DVL2: variants seen among roughly 807,000 people sequenced by gnomAD.
The protein encoded by DVL2 is segment polarity protein dishevelled homolog DVL-2.
In DVL2, 38 loss-of-function variants were observed where a neutral mutation model predicts 69.8. The ratio of observed to expected loss-of-function variants is 0.54; its 90% CI spans 0.42 to 0.71. The LOEUF (loss-of-function observed/expected upper bound fraction) is 0.71. Ranked by LOEUF, DVL2 falls within the 30% of genes least tolerant of loss-of-function variation. DVL2 has a pLI of 0.00. For synonymous variants in DVL2, 428 were observed against 392.4 expected, an observed-to-expected ratio of 1.09 and a Z score of -1.07; for missense variants, 931 against 1,008.1, an observed-to-expected ratio of 0.92 and a Z score of 1.04.
intron 1 of DVL2, among the ~76,000 whole-genome samples, chr17:7,231,823 G>A (rs1182237509): frequency 2.1e-5 from 3 of 145,228 alleles, no homozygotes; most frequent in East Asian, 2.0e-4. Flanking sequence ...AGATTGCGCC[G>A]CTGCACTCCA....
At position 7,229,368 on chromosome 17, in the gene DVL2, C is replaced by T; in HGVS notation, c.817+10G>A. On this transcript the variant is annotated intron_variant, in intron 7 of 14. Coordinates refer to ENST00000005340, the MANE Select transcript of DVL2 (RefSeq NM_004422.3). This position sits in a 1 kb window ranked among gnomAD's most constrained non-coding sequence, Gnocchi z 4.4. ...CCTCCCCACGCCCTAGCCACAGGCT[C>T]TCCCCATACCCATGTTTAGCGTGAC... The T allele has an allele frequency of 6.2e-7, 1 of 1,613,946 alleles. No homozygotes were observed. Among genetic ancestry groups the T allele is most frequent in the Non-Finnish European group, 8.5e-7 (1 of 1,180,004 alleles).
chr17:7,233,769 G>T (rs747445531), intron 1 of DVL2, among the ~76,000 whole-genome samples: 4 of 152,152 alleles, frequency 2.6e-5, no homozygotes, highest in Admixed American at 2.6e-4. Flanking sequence ...CCAGACAATG[G>T]ATCAATTTAC....
At position 7,226,046 on chromosome 17, in the gene DVL2, T is replaced by C. The variant is rs759271815; in HGVS notation, c.2030A>G (p.Tyr677Cys). 35 of 1,609,064 alleles carry C rather than the reference T, an allele frequency of 2.2e-5. No individual in the cohort carries two copies. Among genetic ancestry groups the C allele is most frequent in the Non-Finnish European group, 2.8e-5 (33 of 1,177,310 alleles). The change falls in exon 15 of 15, where the codon TAC (tyrosine) becomes TGC (cysteine). Residue 677 changes from tyrosine to cysteine, a missense_variant. This residue lies in a region of DVL2 where 314 missense variants were observed against 313.7 expected (regional missense o/e 1.00). Coordinates refer to ENST00000005340, the MANE Select transcript of DVL2 (RefSeq NM_004422.3). ...YGPPPGMALP[Y>C]NPMMVVMMPP... ...CATCATGACCACCATCATGGGGTTGTAGGGGAGGGCCATGCCAGGGGGCGG... is the reference window on the plus strand; with the variant it reads ...CATCATGACCACCATCATGGGGTTGCAGGGGAGGGCCATGCCAGGGGGCGG...
Position 7,234,322 on chromosome 17 carries a change from G to A in DVL2, c.-60C>T. On this transcript the variant is annotated 5_prime_UTR_variant, in exon 1 of 15. Transcript: ENST00000005340. ...ACCCAAAGGGCTAATGGCCCCTGCCGCGCCTGCGCACACCCGCAAACCGAC... is the reference window on the plus strand; with the variant it reads ...ACCCAAAGGGCTAATGGCCCCTGCCACGCCTGCGCACACCCGCAAACCGAC... The A allele has an allele frequency of 2.6e-6, 4 of 1,549,488 alleles. No homozygotes were observed. Among genetic ancestry groups the A allele is most frequent in the Non-Finnish European group, 3.5e-6 (4 of 1,145,434 alleles).
chr17:7,234,490 C>G lies in DVL2; in HGVS notation c.-228G>C. On this transcript the variant is annotated 5_prime_UTR_variant, in exon 1 of 15. Transcript: ENST00000005340. ...AGCGGCCGCCGCGCGCCACCGCCAC[C>G]GACGCCGCGAGCTTCCTCCAGGTAC... 1 of 541,716 alleles carries G rather than the reference C, an allele frequency of 1.8e-6. No individual in the cohort carries two copies. The highest frequency in any genetic ancestry group is 3.4e-5 in the East Asian group (1 of 29,326). 33.6% of individuals were successfully genotyped at this position (541,716 alleles called of 1,614,324 possible). A position where few individuals can be genotyped will look rare whatever the true frequency, so the allele number is the denominator to read the frequency against.
At chr17:7,232,814 G>T (rs2071562241) in intron 1 of DVL2, among the ~76,000 whole-genome samples, 1 of 152,134 alleles carries the variant, frequency 6.6e-6, no homozygotes, top group African/African-American at 2.4e-5. Context: ...GTTGGGCCGG[G>T]CGCGGTGGCT....
chr17:7,225,462 A>T lies in DVL2; in HGVS notation c.*403T>A. On this transcript the variant is annotated 3_prime_UTR_variant, in exon 15 of 15. Coordinates refer to ENST00000005340, the MANE Select transcript of DVL2 (RefSeq NM_004422.3). ...CTCAGGCTGCTGTCTAGGATGCCTA[A>T]CCCCGGGGTACCGCTGACCACCCCC... 1 of 423,894 alleles carries T rather than the reference A, an allele frequency of 2.4e-6. No homozygotes were observed. The highest frequency in any genetic ancestry group is 2.0e-5 in the African/African-American group (1 of 49,804). 26.3% of individuals were successfully genotyped at this position (423,894 alleles called of 1,614,324 possible).
chr17:7,233,798 C>T (rs2071586251), intron 1 of DVL2: 3 of 540,712 alleles, frequency 5.5e-6, no homozygotes, highest in Non-Finnish European at 1.0e-5. Context: ...GACTAGAATA[C>T]TCCAACATAA....
chr17:7,226,737 C>A, intron 13 of DVL2, 98 bp from the exon 14 acceptor site: 3 of 957,356 alleles, frequency 3.1e-6, no homozygotes, highest in South Asian at 3.7e-5. Flanking sequence ...CTCCCAGACC[C>A]ACCCACGATG....
intron 9 of DVL2, 182 bp from the exon 10 acceptor site, chr17:7,228,226 C>G (rs2071488077): frequency 5.4e-6 from 3 of 551,458 alleles, no homozygotes; most frequent in Non-Finnish European, 9.9e-6. Flanking sequence ...ACATGGAAAA[C>G]TCTTAAAAAC....
At chr17:7,230,609 A>G in intron 2 of DVL2, 119 bp downstream of exon 2, 3 of 1,312,976 alleles carry the variant, frequency 2.3e-6, no homozygotes, top group Non-Finnish European at 3.2e-6. Flanking sequence ...CCAAACAGAC[A>G]GGAGGTAAAG....
chr17:7,225,731 GTC>G lies in DVL2; in HGVS notation c.*132_*133del. On this transcript the variant is annotated 3_prime_UTR_variant, in exon 15 of 15. Transcript: ENST00000005340. ...GAGGAACCAGGCACTGCTGGTGAGAGTCACAGTGGCCACAATCTCCTGTATGG... is the reference window on the plus strand; with the variant it reads ...GAGGAACCAGGCACTGCTGGTGAGAGACAGTGGCCACAATCTCCTGTATGG... 1.3e-6 allele frequency: 1 copy of G among 775,226 alleles called. No homozygotes were observed. Among genetic ancestry groups the G allele is most frequent in the South Asian group, 1.6e-5 (1 of 64,002 alleles). 48.0% of individuals were successfully genotyped at this position (775,226 alleles called of 1,614,324 possible).
intron 1 of DVL2, 74 bp from the exon 2 acceptor site, chr17:7,230,871 CAA>C (rs2071532933): frequency 8.0e-6 from 9 of 1,130,686 alleles, no homozygotes; most frequent in Admixed American, 4.1e-5. Flanking sequence ...AACTTTCTCC[CAA>C]TCTTCACCTG....
intron 13 of DVL2, 64 bp downstream of exon 13, chr17:7,227,025 AG>A: frequency 6.6e-7 from 1 of 1,505,762 alleles, no homozygotes; most frequent in Non-Finnish European, 9.0e-7. Context: ...GGCTAGGTCT[AG>A]GGTTGGAGAG....
chr17:7,225,885 A>C lies in DVL2; in HGVS notation c.2191T>G (p.Phe731Val). 1.2e-6 allele frequency: 2 copies of C among 1,613,718 alleles called. No homozygotes were observed. The highest frequency in any genetic ancestry group is 1.7e-6 in the Non-Finnish European group (2 of 1,179,986). The change falls in exon 15 of 15, where the codon TTC (phenylalanine) becomes GTC (valine). Residue 731 changes from phenylalanine (F) to valine (V), a missense_variant. Transcript: ENST00000005340. ...GTGGGCTACATAACATCCACAAAGAACTCGCTGGGATTGCCCATGGCCATG... is the reference window on the plus strand; with the variant it reads ...GTGGGCTACATAACATCCACAAAGACCTCGCTGGGATTGCCCATGGCCATG... The part of the protein sequence containing the change: ...FHMAMGNPSE[F>V]FVDVM
At chr17:7,230,641 G>A in intron 2 of DVL2, 87 bp downstream of exon 2, 2 of 1,425,194 alleles carry the variant, frequency 1.4e-6, no homozygotes, top group South Asian at 1.3e-5. Context: ...CTAACGCGCG[G>A]CCTGGGGAGG....
intron 1 of DVL2, 31 bp from the exon 2 acceptor site, chr17:7,230,828 C>A: frequency 6.4e-7 from 1 of 1,560,734 alleles, no homozygotes; most frequent in South Asian, 1.1e-5. Context: ...GGTCAGTGAG[C>A]TGGACCAACC....
Position 7,226,602 on chromosome 17 carries a change from G to A in DVL2, c.1581C>T (p.Ser527=), listed in dbSNP as rs1430632006. The A allele has an allele frequency of 6.3e-7, 1 of 1,589,746 alleles. No homozygotes were observed. Among genetic ancestry groups the A allele is most frequent in the African/African-American group, 1.4e-5 (1 of 73,850 alleles). ...GGGTATCCTGGTCTGAAGCCCCACT[G>A]GAGCCATCGTTGTCATTGAGAGACA... ...VNLSLNDNDG[S]SGASDQDTLA... Residue 527 remains serine, a synonymous_variant, in exon 14 of 15, where the codon TCC becomes TCT. Transcript: ENST00000005340.
intron 1 of DVL2, among the ~76,000 whole-genome samples, chr17:7,233,711 G>A (rs574740366): frequency 6.6e-6 from 1 of 152,152 alleles, no homozygotes; most frequent in Non-Finnish European, 1.5e-5. Context: ...GCCTCCCAAA[G>A]TGCTGGGATT....
Sources: allele counts gnomAD v4.1 joint callset (sites outside exome capture counted in the v4.1 genomes callset), GRCh38; gene constraint gnomAD v4.1.1; regional missense constraint gnomAD v4.1.1; non-coding constraint Gnocchi (gnomAD v3.1); transcripts MANE v1.5; gene names NCBI Gene and HGNC (gene_info 2026-07-23, HGNC 2026-07-21).